Variants in ADORA2B observed in about 807,000 individuals in gnomAD.
ADORA2B encodes the protein adenosine A2b receptor, also known as adenosine receptor A2b.
ADORA2B carries 18 observed loss-of-function variants against 20.8 expected under a neutral mutation model. The observed-to-expected ratio is 0.87, with a 90% CI of 0.60 to 1.29. The LOEUF (loss-of-function observed/expected upper bound fraction) is 1.29, where lower values mean the gene tolerates loss of function less well. Ranked by LOEUF, ADORA2B falls within the 50% of genes most tolerant of loss-of-function variation. The pLI is 0.00. For synonymous variants in ADORA2B, 179 were observed against 178.3 expected (o/e 1.00, Z -0.03); for missense variants, 441 against 422.7 (o/e 1.04, Z -0.38).
chr17:15,897,779 T>G, the ADORA2B span, among the ~76,000 whole-genome samples: 498 of 152,254 alleles, frequency 3.3e-3, 1 homozygote, highest in African/African-American at 0.011. Context: ...TGAGAGGATG[T>G]GGGGAATCTA....
the ADORA2B span, among the ~76,000 whole-genome samples, chr17:15,924,005 C>T: frequency 2.4e-4 from 37 of 152,056 alleles, no homozygotes; most frequent in Non-Finnish European, 3.4e-4. Flanking sequence ...CTTTGCCTCC[C>T]GGGAACAAGC....
chr17:15,957,833 G>A (rs1288137708), intron 1 of ADORA2B, among the ~76,000 whole-genome samples: 2 of 152,054 alleles, frequency 1.3e-5, no homozygotes, highest in South Asian at 2.1e-4. Context: ...CCTGTTTTGC[G>A]CCAGTCCCGC....
chr17:15,972,167 A>G (rs79767181), intron 1 of ADORA2B, among the ~76,000 whole-genome samples: 6,540 of 152,220 alleles, frequency 0.043, 496 homozygotes, highest in African/African-American at 0.15. Context: ...AGAGCAACAG[A>G]TGCTTTGTCT....
chr17:15,936,369 A>T, the ADORA2B span, among the ~76,000 whole-genome samples: 1 of 151,612 alleles, frequency 6.6e-6, no homozygotes, highest in Non-Finnish European at 1.5e-5. Context: ...CCCAGGCTGG[A>T]GTGCAGTGGT....
the ADORA2B span, among the ~76,000 whole-genome samples, chr17:15,857,918 G>A: frequency 2.1e-5 from 3 of 145,244 alleles, no homozygotes; most frequent in African/African-American, 7.5e-5. Flanking sequence ...CATGAGACAG[G>A]ATTTCCTTTT....
At chr17:15,880,616 A>G in the ADORA2B span, among the ~76,000 whole-genome samples, 41,455 of 140,192 alleles carry the variant, frequency 0.3, 6,762 homozygotes, top group African/African-American at 0.42. Flanking sequence ...GGGGTCGGAC[A>G]GCAGCCTACA....
At chr17:15,955,638 C>T (rs760797115) in intron 1 of ADORA2B, among the ~76,000 whole-genome samples, 2 of 151,924 alleles carry the variant, frequency 1.3e-5, no homozygotes, top group African/African-American at 4.8e-5. Context: ...GAACTCCTGA[C>T]CTCAAGTGAT....
chr17:15,957,132 G>T (rs1969976594), intron 1 of ADORA2B, among the ~76,000 whole-genome samples: 1 of 152,230 alleles, frequency 6.6e-6, no homozygotes, highest in African/African-American at 2.4e-5. Flanking sequence ...CCATGGAGAT[G>T]GCAGCAGACT....
chr17:15,959,310 C>T (rs1042558553), intron 1 of ADORA2B, among the ~76,000 whole-genome samples: 2 of 152,046 alleles, frequency 1.3e-5, no homozygotes, highest in Non-Finnish European at 2.9e-5. Flanking sequence ...ACTCATCTAA[C>T]GAAGTTTGTG....
chr17:15,939,428 A>T, the ADORA2B span, among the ~76,000 whole-genome samples: 1 of 152,136 alleles, frequency 6.6e-6, no homozygotes, highest in Non-Finnish European at 1.5e-5. Flanking sequence ...GGACTGCTGC[A>T]CAGCAGACAT....
chr17:15,962,511 GTTAT>G (rs949456213), intron 1 of ADORA2B, among the ~76,000 whole-genome samples: 22 of 152,076 alleles, frequency 1.4e-4, no homozygotes, highest in African/African-American at 3.4e-4. Context: ...ATCCATTCCT[GTTAT>G]TTATTTATTT....
the ADORA2B span, among the ~76,000 whole-genome samples, chr17:15,872,837 T>C: frequency 3.3e-5 from 5 of 152,236 alleles, no homozygotes; most frequent in Non-Finnish European, 7.4e-5. Flanking sequence ...TATATGATCA[T>C]ATCATCTGCA....
At chr17:15,883,467 C>G in the ADORA2B span, among the ~76,000 whole-genome samples, 1 of 152,192 alleles carries the variant, frequency 6.6e-6, no homozygotes, top group African/African-American at 2.4e-5. Context: ...GGCAGGTGGT[C>G]TCTCAGCCAG....
intron 1 of ADORA2B, among the ~76,000 whole-genome samples, chr17:15,971,629 A>ATTTTT (rs34445090): frequency 7.8e-6 from 1 of 127,942 alleles, no homozygotes; most frequent in Non-Finnish European, 1.6e-5. Flanking sequence ...TGTAATGGCC[A>ATTTTT]TTTTTTTTTT....
the ADORA2B span, among the ~76,000 whole-genome samples, chr17:15,900,624 T>G: frequency 6.6e-6 from 1 of 151,702 alleles, no homozygotes; most frequent in Non-Finnish European, 1.5e-5. Context: ...TTAAAAAAAT[T>G]TTTTTTGTAG....
At chr17:15,944,131 A>C (rs986559620), upstream of ADORA2B, among the ~76,000 whole-genome samples, 6 of 152,194 alleles carry the variant, frequency 3.9e-5, no homozygotes, top group African/African-American at 1.4e-4. This position sits in a 1 kb window ranked among gnomAD's most constrained non-coding sequence, Gnocchi z 4.8. Flanking sequence ...GGTGTCAGCA[A>C]ACTTCCTAGG....
chr17:15,972,226 A>G (rs1157804439), intron 1 of ADORA2B, among the ~76,000 whole-genome samples: 1 of 152,196 alleles, frequency 6.6e-6, no homozygotes, highest in African/African-American at 2.4e-5. Flanking sequence ...TAAGAATGGC[A>G]GGCACTGGAC....
chr17:15,895,468 C>T, the ADORA2B span, among the ~76,000 whole-genome samples: 1 of 151,994 alleles, frequency 6.6e-6, no homozygotes, highest in African/African-American at 2.4e-5. Context: ...GGCAGGCAGG[C>T]GGTTGCACAG....
intron 1 of ADORA2B, among the ~76,000 whole-genome samples, chr17:15,951,849 C>T (rs1377435654): frequency 3.3e-5 from 5 of 152,136 alleles, no homozygotes; most frequent in Non-Finnish European, 5.9e-5. Flanking sequence ...TGAAGGAGGC[C>T]GGGAAGGAGG....
Sources: gnomAD v4.1 joint callset for allele counts (sites outside exome capture counted in the v4.1 genomes callset) on GRCh38, gnomAD v4.1.1 for gene constraint, Gnocchi (gnomAD v3.1) non-coding constraint, MANE v1.5 for transcripts, NCBI Gene and HGNC (gene_info 2026-07-23, HGNC 2026-07-21) for gene names.